Variants in SYNPO2 observed in about 807,000 individuals in gnomAD.
The protein encoded by SYNPO2 is synaptopodin-2.
A neutral mutation model predicts 85.0 loss-of-function variants in SYNPO2; 56 were observed. The observed-to-expected ratio is 0.66, with a 90% CI of 0.53 to 0.82. The LOEUF (loss-of-function observed/expected upper bound fraction) is 0.82, where lower values mean the gene tolerates loss of function less well. SYNPO2 is among the 40% of genes least tolerant of loss of function. The pLI, the probability that SYNPO2 is intolerant of heterozygous loss-of-function variation, is 0.00. For missense variants in SYNPO2, 1,575 were observed against 1,534.2 expected, an observed-to-expected ratio of 1.03 and a Z score of -0.44; for synonymous variants, 602 against 591.1, an observed-to-expected ratio of 1.02 and a Z score of -0.27.
intron 1 of SYNPO2, among the ~76,000 whole-genome samples, chr4:118,942,383 G>T (rs571085276): frequency 6.6e-6 from 1 of 152,182 alleles, no homozygotes; most frequent in African/African-American, 2.4e-5. Context: ...CTGGCACTTG[G>T]TATATGCTCA....
intron 1 of SYNPO2, among the ~76,000 whole-genome samples, chr4:118,944,465 T>C (rs1030048177): frequency 6.6e-6 from 1 of 152,180 alleles, no homozygotes; most frequent in Non-Finnish European, 1.5e-5. Flanking sequence ...TAAATGGACA[T>C]ATCCATATTG....
chr4:118,998,105 T>C (rs559973723), intron 1 of SYNPO2, among the ~76,000 whole-genome samples: 2 of 152,338 alleles, frequency 1.3e-5, no homozygotes, highest in African/African-American at 4.8e-5. Flanking sequence ...CACTGCTTGA[T>C]AACCGCATTT....
chr4:119,036,391 A>G, intron 4 of SYNPO2: 3 of 985,406 alleles, frequency 3.0e-6, no homozygotes, highest in Non-Finnish European at 3.6e-6. Context: ...TTGGGTCCAC[A>G]TATCATTGGA....
In SYNPO2 at chr4:119,057,924, G is replaced by A. The variant is rs185497340; in HGVS notation, c.3776G>A (p.Arg1259His). 33 of 1,609,010 alleles carry A rather than the reference G, an allele frequency of 2.1e-5. No individual in the cohort carries two copies. Among genetic ancestry groups the A allele is most frequent in the Admixed American group, 1.7e-4 (10 of 59,176 alleles). Reference protein sequence around the residue: ...NYNPHPRGWRRQT With the variant: ...NYNPHPRGWRHQT ...AACCCACACCCAAGGGGATGGAGAC[G>A]CCAAACATGAAAGTTAGAAGAACGG... The change falls in exon 5 of 5, where the codon CGC becomes CAC. Residue 1259 changes from arginine (R) to histidine (H), a missense_variant. Transcript: ENST00000307142.
intron 1 of SYNPO2, among the ~76,000 whole-genome samples, chr4:118,942,415 G>A (rs1180684976): frequency 2.0e-5 from 3 of 152,160 alleles, no homozygotes; most frequent in Admixed American, 2.0e-4. Context: ...CTGAATGAAA[G>A]AATGAATGGA....
intron 1 of SYNPO2, 26 bp from the exon 2 acceptor site, chr4:119,023,404 A>G (rs757567235): frequency 2.5e-6 from 4 of 1,586,102 alleles, no homozygotes; most frequent in Middle Eastern, 3.4e-4. Context: ...TCATTCTACT[A>G]TGTCTTCTTT....
chr4:118,949,770 T>C (rs1217282809), intron 1 of SYNPO2, among the ~76,000 whole-genome samples: 2 of 151,594 alleles, frequency 1.3e-5, no homozygotes, highest in Non-Finnish European at 2.9e-5. Flanking sequence ...TAAAATAAAA[T>C]AAAATGAAAT....
At position 118,905,019 on chromosome 4, in the gene SYNPO2, G is replaced by T. The variant is rs529408863; in HGVS notation, c.105+15878G>T. ...CTGGCCTGCCAGATGGGGAAATGTT[G>T]ATCAGAACAATTTTATCTCAGTGCA... On this transcript the variant is annotated intron_variant, in intron 1 of 4. Coordinates refer to ENST00000307142, the MANE Select transcript of SYNPO2 (RefSeq NM_133477.3). Among the ~76,000 whole-genome samples, 9 of 152,268 alleles carry T rather than the reference G, an allele frequency of 5.9e-5. No individual in the cohort carries two copies. In the South Asian group the frequency reaches 1.2e-3, roughly 21 times the overall value.
At chr4:118,882,969 G>A (rs1578517369) in intron 1 of SYNPO2, among the ~76,000 whole-genome samples, 1 of 151,786 alleles carries the variant, frequency 6.6e-6, no homozygotes, top group East Asian at 1.9e-4. Context: ...CACTATGTTA[G>A]CCAGGATGGT....
chr4:118,984,223 C>G (rs776946595), intron 1 of SYNPO2, among the ~76,000 whole-genome samples: 1 of 151,774 alleles, frequency 6.6e-6, no homozygotes, highest in Admixed American at 6.6e-5. Flanking sequence ...TTAGTTGCTT[C>G]CAAAATAGGT....
upstream of SYNPO2, among the ~76,000 whole-genome samples, chr4:118,886,731 T>C (rs569830772): frequency 6.6e-6 from 1 of 152,366 alleles, no homozygotes; most frequent in South Asian, 2.1e-4. Flanking sequence ...ATGTCTCTTG[T>C]AACTATTGTT....
chr4:118,881,758 G>A (rs904060103), intron 1 of SYNPO2, among the ~76,000 whole-genome samples: 1 of 152,132 alleles, frequency 6.6e-6, no homozygotes, highest in African/African-American at 2.4e-5. Flanking sequence ...AGGGCCTGAG[G>A]GCATCTTCTT....
intron 1 of SYNPO2, among the ~76,000 whole-genome samples, chr4:118,883,790 G>A (rs1472719962): frequency 2.0e-5 from 3 of 151,710 alleles, no homozygotes; most frequent in Non-Finnish European, 4.4e-5. Context: ...CTTTGATCAG[G>A]GCTCTGGTTT....
At chr4:118,887,358 T>A (rs550053903), upstream of SYNPO2, among the ~76,000 whole-genome samples, 2 of 152,244 alleles carry the variant, frequency 1.3e-5, no homozygotes, top group Admixed American at 6.5e-5. Flanking sequence ...TCAAAAAAAA[T>A]TCATAAAATA....
At chr4:118,983,316 A>G (rs973096479) in intron 1 of SYNPO2, among the ~76,000 whole-genome samples, 10 of 151,738 alleles carry the variant, frequency 6.6e-5, no homozygotes, top group Non-Finnish European at 1.3e-4. Context: ...TCCAGCATCT[A>G]TTCTCTCTGC....
chr4:118,859,329 A>AT (rs1358205921), intron 1 of SYNPO2, among the ~76,000 whole-genome samples: 1 of 152,158 alleles, frequency 6.6e-6, no homozygotes, highest in Non-Finnish European at 1.5e-5. Flanking sequence ...TACATGAGAT[A>AT]TTTTGATATA....
intron 1 of SYNPO2, among the ~76,000 whole-genome samples, chr4:118,962,730 C>A (rs1263410407): frequency 6.6e-6 from 1 of 152,132 alleles, no homozygotes; most frequent in African/African-American, 2.4e-5. Context: ...TCCATCTGCC[C>A]CAATCTGATC....
chr4:119,030,764 G>T lies in SYNPO2; in HGVS notation c.1989G>T (p.Ser663=). ...APWSQPAFYD[S]SERIASRDER... ...GGTCCCAGCCAGCCTTTTACGATTC[G>T]TCTGAGCGAATAGCTTCCCGAGATG... The change falls in exon 4 of 5, where the codon TCG becomes TCT. Residue 663 remains serine (S), a synonymous_variant. Transcript: ENST00000307142. The T allele has an allele frequency of 6.2e-7, 1 of 1,614,078 alleles. No homozygotes were observed. The highest frequency in any genetic ancestry group is 8.5e-7 in the Non-Finnish European group (1 of 1,180,022).
At chr4:118,889,432 C>G (rs1455038577) in intron 1 of SYNPO2, among the ~76,000 whole-genome samples, 1 of 152,142 alleles carries the variant, frequency 6.6e-6, no homozygotes, top group Non-Finnish European at 1.5e-5. Flanking sequence ...AAGCAAGACA[C>G]TGGGGAGCGT....
Sources: allele counts gnomAD v4.1 joint callset (sites outside exome capture counted in the v4.1 genomes callset), GRCh38; gene constraint gnomAD v4.1.1; transcripts MANE v1.5; gene names NCBI Gene and HGNC (gene_info 2026-07-23, HGNC 2026-07-21).